ELAVL4: variants seen among roughly 807,000 people sequenced by gnomAD.
The protein encoded by ELAVL4 is ELAV like RNA binding protein 4, also known as ELAV-like protein 4.
In ELAVL4, 1 loss-of-function variant was observed where a neutral mutation model predicts 35.6. The observed-to-expected ratio is 0.03, with a 90% CI of 0.01 to 0.13. The LOEUF is 0.13. Ranked by LOEUF, ELAVL4 falls within the 10% of genes least tolerant of loss-of-function variation. The pLI is 1.00. For synonymous variants in ELAVL4, 156 were observed against 171.0 expected, an observed-to-expected ratio of 0.91 and a Z score of 0.69; for missense variants, 267 against 464.9, an observed-to-expected ratio of 0.57 and a Z score of 3.91.
intron 2 of ELAVL4, among the ~76,000 whole-genome samples, chr1:50,160,257 C>T (rs576444593): frequency 2.0e-4 from 30 of 152,256 alleles, no homozygotes; most frequent in African/African-American, 6.5e-4. Flanking sequence ...CCAAGAATCC[C>T]GAGCTTTTTA....
chr1:50,193,014 G>C (rs1312646891), intron 3 of ELAVL4, among the ~76,000 whole-genome samples: 1 of 152,098 alleles, frequency 6.6e-6, no homozygotes, highest in African/African-American at 2.4e-5. Flanking sequence ...CATTGGTGAG[G>C]CTCTCTTCTC....
chr1:50,127,905 ATAAT>A (rs1305967265), intron 1 of ELAVL4, among the ~76,000 whole-genome samples: 1 of 152,184 alleles, frequency 6.6e-6, no homozygotes, highest in Non-Finnish European at 1.5e-5. Context: ...TGATTATGTG[ATAAT>A]TTATTTATTC....
At position 50,177,072 on chromosome 1, in the gene ELAVL4, T is replaced by C; in HGVS notation, c.251-17T>C. On this transcript the variant is annotated splice_polypyrimidine_tract_variant and intron_variant, in intron 2 of 6. Coordinates refer to ENST00000371824, the MANE Select transcript of ELAVL4 (RefSeq NM_001144774.3). Reference sequence around the variant, plus strand: ...TCTCTCTCTCCCTTTCTCTCTCTCTTTTTAATATTTCCACAGGACAGAGTT... The same window carrying C: ...TCTCTCTCTCCCTTTCTCTCTCTCTCTTTAATATTTCCACAGGACAGAGTT... 2 of 1,599,500 alleles carry C rather than the reference T, an allele frequency of 1.3e-6. No individual in the cohort carries two copies. The highest frequency in any genetic ancestry group is 1.3e-5 in the African/African-American group (1 of 74,708).
intron 3 of ELAVL4, among the ~76,000 whole-genome samples, chr1:50,177,864 G>A (rs1252280374): frequency 2.6e-5 from 4 of 152,186 alleles, no homozygotes; most frequent in Non-Finnish European, 5.9e-5. Context: ...ATAATTAGGT[G>A]GGTAGATAAT....
intron 1 of ELAVL4, among the ~76,000 whole-genome samples, chr1:50,113,519 A>AT (rs1323138244): frequency 2.6e-5 from 4 of 152,122 alleles, no homozygotes; most frequent in Admixed American, 1.3e-4. Flanking sequence ...CAGTTAATTT[A>AT]TATGCCTAGA....
intron 1 of ELAVL4, among the ~76,000 whole-genome samples, chr1:50,089,974 T>C (rs61784164): frequency 0.012 from 1,811 of 152,262 alleles, 19 homozygotes; most frequent in Non-Finnish European, 0.018. Flanking sequence ...AAGAGTCATG[T>C]AAAAGCCTCA....
At chr1:50,165,732 A>G (rs1557816813) in intron 2 of ELAVL4, among the ~76,000 whole-genome samples, 2 of 144,196 alleles carry the variant, frequency 1.4e-5, no homozygotes, top group Non-Finnish European at 3.0e-5. Flanking sequence ...ATACATGTAT[A>G]TGTGTGTATA....
At chr1:50,102,082 T>TTG (rs1666005462), upstream of ELAVL4, among the ~76,000 whole-genome samples, 1 of 152,096 alleles carries the variant, frequency 6.6e-6, no homozygotes, top group African/African-American at 2.4e-5. Flanking sequence ...GGTCAGGAGA[T>TTG]TGAGACCATC....
chr1:50,195,525 G>C, intron 4 of ELAVL4, 36 bp from the exon 5 acceptor site: 1 of 1,608,378 alleles, frequency 6.2e-7, no homozygotes, highest in Non-Finnish European at 8.5e-7. Flanking sequence ...AGTTTGGTGT[G>C]TTCACTCTTT....
chr1:50,179,651 C>T (rs1384119702), intron 3 of ELAVL4: 1 of 152,172 alleles, frequency 6.6e-6, no homozygotes, highest in Non-Finnish European at 1.5e-5. Context: ...GGAAAAAAAC[C>T]AAGTATCTTC....
At chr1:50,106,146 G>A, upstream of ELAVL4, 1 of 460,574 alleles carries the variant, frequency 2.2e-6, no homozygotes, top group Non-Finnish European at 3.8e-6. Flanking sequence ...GTTTCAGCCG[G>A]CTGCTGTTTC....
chr1:50,146,900 A>G (rs1673822054), intron 2 of ELAVL4, among the ~76,000 whole-genome samples: 1 of 152,126 alleles, frequency 6.6e-6, no homozygotes, highest in African/African-American at 2.4e-5. Context: ...GTACTGATTC[A>G]TGGTGTTGTT....
chr1:50,155,676 C>A (rs1675606765), intron 2 of ELAVL4, among the ~76,000 whole-genome samples: 1 of 152,130 alleles, frequency 6.6e-6, no homozygotes, highest in South Asian at 2.1e-4. Context: ...TCACTTCAGT[C>A]TTTCCTCTCC....
At chr1:50,095,077 CA>C (rs1665664581) in intron 1 of ELAVL4, among the ~76,000 whole-genome samples, 1 of 152,130 alleles carries the variant, frequency 6.6e-6, no homozygotes, top group South Asian at 2.1e-4. Flanking sequence ...TTTGGGATTT[CA>C]GATAGCAATG....
intron 1 of ELAVL4, among the ~76,000 whole-genome samples, chr1:50,081,475 C>T (rs1457117876): frequency 1.3e-5 from 2 of 152,226 alleles, no homozygotes; most frequent in Non-Finnish European, 2.9e-5. Flanking sequence ...CATCTGCTGA[C>T]CTATGTTAAA....
intron 1 of ELAVL4, among the ~76,000 whole-genome samples, chr1:50,114,346 G>T (rs1390130291): frequency 6.6e-6 from 1 of 152,008 alleles, no homozygotes; most frequent in Non-Finnish European, 1.5e-5. Context: ...TCTGTGCTTT[G>T]CTTTGTAAGT....
chr1:50,099,725 T>C (rs759738736), upstream of ELAVL4, among the ~76,000 whole-genome samples: 3 of 152,318 alleles, frequency 2.0e-5, no homozygotes, highest in South Asian at 6.2e-4. Context: ...TAAAGATTAA[T>C]GCTTTGGGAC....
At chr1:50,091,042 A>C (rs921264749) in intron 1 of ELAVL4, among the ~76,000 whole-genome samples, 2 of 152,206 alleles carry the variant, frequency 1.3e-5, no homozygotes, top group Non-Finnish European at 2.9e-5. Flanking sequence ...AGCTAGAAGA[A>C]TGCAGAGGAC....
chr1:50,074,449 T>C (rs1227420835), intron 1 of ELAVL4, among the ~76,000 whole-genome samples: 1 of 152,206 alleles, frequency 6.6e-6, no homozygotes, highest in Non-Finnish European at 1.5e-5. Flanking sequence ...AGGTGCATTG[T>C]TCGCATTTCT....
Sources: allele counts gnomAD v4.1 joint callset (sites outside exome capture counted in the v4.1 genomes callset), GRCh38; gene constraint gnomAD v4.1.1; transcripts MANE v1.5; gene names NCBI Gene and HGNC (gene_info 2026-07-23, HGNC 2026-07-21).